Variants in LYPLA1 observed in about 807,000 individuals in gnomAD.
LYPLA1 encodes lysophospholipase 1, also known as acyl-protein thioesterase 1.
A neutral mutation model predicts 34.0 loss-of-function variants in LYPLA1; 17 were observed. The ratio of observed to expected loss-of-function variants is 0.50; its 90% CI spans 0.34 to 0.75. The LOEUF (loss-of-function observed/expected upper bound fraction) is 0.75, where lower values mean the gene tolerates loss of function less well. Ranked by LOEUF, LYPLA1 falls within the 30% of genes least tolerant of loss-of-function variation. The pLI is 0.01. For missense variants in LYPLA1, 203 were observed against 288.8 expected, an observed-to-expected ratio of 0.70 and a Z score of 2.15; for synonymous variants, 98 against 100.8, an observed-to-expected ratio of 0.97 and a Z score of 0.17.
chr8:54,085,439 C>T lies in LYPLA1; in HGVS notation c.101+15469G>A, dbSNP rs537187029. 5.3e-5 allele frequency among the ~76,000 whole-genome samples: 8 copies of T among 152,060 alleles called. No individual in the cohort carries two copies. In the South Asian group the frequency reaches 1.2e-3, roughly 24 times the overall value. On this transcript the variant is annotated intron_variant, in intron 2 of 8. Transcript: ENST00000316963. ...TAGGAAGTGAGAAGTGTCTCTGCCC[C>T]GCCGCCCATCGTCTGGGATGTGAGG...
chr8:54,084,133 A>AAAAT (rs1373090573), intron 2 of LYPLA1, among the ~76,000 whole-genome samples: 2 of 120,484 alleles, frequency 1.7e-5, no homozygotes, highest in Non-Finnish European at 3.1e-5. Flanking sequence ...AGAAAAAAAA[A>AAAAT]ATAAATAAAT....
intron 5 of LYPLA1, among the ~76,000 whole-genome samples, chr8:54,057,931 C>A (rs1412718356): frequency 6.6e-6 from 1 of 151,946 alleles, no homozygotes; most frequent in East Asian, 1.9e-4. Context: ...AATATGTACA[C>A]CTATGTACTC....
chr8:54,091,378 C>T (rs1425352589), intron 2 of LYPLA1, among the ~76,000 whole-genome samples: 1 of 151,934 alleles, frequency 6.6e-6, no homozygotes, highest in Non-Finnish European at 1.5e-5. Flanking sequence ...ATCCCAGCTA[C>T]TCAGAAGACT....
At chr8:54,044,108 T>C (rs185471820), downstream of LYPLA1, among the ~76,000 whole-genome samples, 148 of 151,914 alleles carry the variant, frequency 9.7e-4, 1 homozygote, top group Non-Finnish European at 1.7e-3. Flanking sequence ...ACCAGGCTGG[T>C]CTCTTAACTC....
At chr8:54,076,126 A>G (rs1807883118) in intron 2 of LYPLA1, among the ~76,000 whole-genome samples, 1 of 152,368 alleles carries the variant, frequency 6.6e-6, no homozygotes, top group Admixed American at 6.5e-5. Context: ...GGAGCTTAAC[A>G]TAAGGATTTG....
chr8:54,082,121 G>C (rs947496367), intron 2 of LYPLA1, among the ~76,000 whole-genome samples: 2 of 152,194 alleles, frequency 1.3e-5, no homozygotes, highest in African/African-American at 4.8e-5. Flanking sequence ...TCCCGTAGGA[G>C]AAACAAGATA....
rs750603259 is a variant in LYPLA1, at chr8:54,051,026, T to A, written c.625A>T (p.Ser209Cys). The change falls in exon 8 of 9, where the codon AGT (serine) becomes TGT (cysteine). Residue 209 changes from serine to cysteine, a missense_variant. Coordinates refer to ENST00000316963, the MANE Select transcript of LYPLA1 (RefSeq NM_006330.4). ...TAGACACCTACCTGTTGACACGAAC[T>A]GTGCATCATACCTTCATAGGTTTTA... ...TFKTYEGMMH[S>C]SCQQEMMDVK... 4.3e-6 allele frequency: 7 copies of A among 1,610,350 alleles called. No homozygotes were observed. Among genetic ancestry groups the A allele is most frequent in the Non-Finnish European group, 5.9e-6 (7 of 1,177,328 alleles).
At chr8:54,076,932 C>T (rs940340471) in intron 2 of LYPLA1, among the ~76,000 whole-genome samples, 11 of 152,160 alleles carry the variant, frequency 7.2e-5, no homozygotes, top group African/African-American at 2.4e-4. Context: ...TCCCACTTCA[C>T]ACCTCTATAT....
At chr8:54,055,378 C>T (rs1208414868) in intron 5 of LYPLA1, among the ~76,000 whole-genome samples, 9 of 151,758 alleles carry the variant, frequency 5.9e-5, no homozygotes. Context: ...AATTAAATAC[C>T]TAGGAATTAA....
intron 2 of LYPLA1, 70 bp from the exon 3 acceptor site, chr8:54,065,883 G>T: frequency 3.1e-6 from 3 of 975,232 alleles, no homozygotes; most frequent in Non-Finnish European, 4.9e-6. Flanking sequence ...TAGCAGAAGA[G>T]TAGCTTTAAA....
intron 1 of LYPLA1, 21 bp from the exon 2 acceptor site, chr8:54,100,960 T>C: frequency 6.2e-7 from 1 of 1,600,560 alleles, no homozygotes; most frequent in South Asian, 1.1e-5. Context: ...AGAGGAAAAT[T>C]AATAAGCAAT....
At chr8:54,050,277 G>C (rs1805759434) in intron 8 of LYPLA1, among the ~76,000 whole-genome samples, 1 of 152,114 alleles carries the variant, frequency 6.6e-6, no homozygotes, top group Non-Finnish European at 1.5e-5. Flanking sequence ...GATGGCATCA[G>C]AACTAGAAAT....
chr8:54,085,984 G>T (rs184901060), intron 2 of LYPLA1, among the ~76,000 whole-genome samples: 14 of 152,276 alleles, frequency 9.2e-5, no homozygotes, highest in Non-Finnish European at 1.9e-4. Context: ...CGGTTTTGTC[G>T]AATAGAAAAC....
At chr8:54,064,948 T>C (rs1273683624) in intron 3 of LYPLA1, among the ~76,000 whole-genome samples, 1 of 152,184 alleles carries the variant, frequency 6.6e-6, no homozygotes, top group Non-Finnish European at 1.5e-5. Flanking sequence ...GGGCCACAGG[T>C]TGGACAAGCT....
chr8:54,055,250 G>A, intron 5 of LYPLA1, 117 bp from the exon 6 acceptor site: 1 of 598,470 alleles, frequency 1.7e-6, no homozygotes, highest in Non-Finnish European at 3.0e-6. Context: ...GTGGAAATGA[G>A]TGAAAAATTC....
At chr8:54,072,656 G>A (rs910060407) in intron 2 of LYPLA1, among the ~76,000 whole-genome samples, 3 of 151,736 alleles carry the variant, frequency 2.0e-5, no homozygotes, top group Non-Finnish European at 4.4e-5. Flanking sequence ...CCATTGAAAA[G>A]TAGACAAAAA....
intron 2 of LYPLA1, among the ~76,000 whole-genome samples, chr8:54,069,023 A>G (rs1249880373): frequency 6.6e-6 from 1 of 152,230 alleles, no homozygotes; most frequent in African/African-American, 2.4e-5. Context: ...ATGTTTGTCC[A>G]AAGAAGATAT....
chr8:54,085,804 AG>A (rs1808701435), intron 2 of LYPLA1, among the ~76,000 whole-genome samples: 1 of 101,908 alleles, frequency 9.8e-6, no homozygotes, highest in Non-Finnish European at 1.7e-5. Flanking sequence ...CCCGTCCGCG[AG>A]GTGGGGGGGG....
At chr8:54,086,429 T>TA (rs1563650287) in intron 2 of LYPLA1, among the ~76,000 whole-genome samples, 2 of 30,218 alleles carry the variant, frequency 6.6e-5, no homozygotes, top group Non-Finnish European at 1.3e-4. Flanking sequence ...CAATAAATAC[T>TA]AAAAAAATTA....
Sources: gnomAD v4.1 joint callset for allele counts (sites outside exome capture counted in the v4.1 genomes callset) on GRCh38, gnomAD v4.1.1 for gene constraint, MANE v1.5 for transcripts, NCBI Gene and HGNC (gene_info 2026-07-23, HGNC 2026-07-21) for gene names.